The following MPDZ variants were observed in gnomAD, a reference collection of about 807,000 sequenced individuals.
The protein encoded by MPDZ is multiple PDZ domain crumbs cell polarity complex component.
A neutral mutation model predicts 239.1 loss-of-function variants in MPDZ; 234 were observed. That is an observed-to-expected ratio of 0.98 (90% CI 0.88 to 1.09). MPDZ has a LOEUF of 1.09. Ranked by LOEUF, MPDZ falls within the 50% of genes least tolerant of loss-of-function variation. MPDZ has a pLI of 0.00. For synonymous variants in MPDZ, 1,048 were observed against 881.3 expected, an observed-to-expected ratio of 1.19 and a Z score of -3.35; for missense variants, 3,175 against 2,510.0, an observed-to-expected ratio of 1.26 and a Z score of -5.66.
At chr9:13,264,023 A>T (rs1971269313) in intron 1 of MPDZ, among the ~76,000 whole-genome samples, 1 of 152,214 alleles carries the variant, frequency 6.6e-6, no homozygotes, top group South Asian at 2.1e-4. Flanking sequence ...AAGTTTGGTG[A>T]AAATAGTATA....
intron 30 of MPDZ, among the ~76,000 whole-genome samples, 167 bp from the exon 31 acceptor site, chr9:13,136,349 T>TTTTTTTTTA (rs1946782722): frequency 1.4e-5 from 2 of 140,998 alleles, no homozygotes; most frequent in East Asian, 2.2e-4. Context: ...TTTTTTTTTT[T>TTTTTTTTTA]GAGACAGAGT....
Position 13,150,684 on chromosome 9 carries a change from C to A in MPDZ, c.3457G>T (p.Glu1153Ter). 2 of 1,347,360 alleles carry A rather than the reference C, an allele frequency of 1.5e-6. No homozygotes were observed. Among genetic ancestry groups the A allele is most frequent in the Non-Finnish European group, 1.9e-6 (2 of 1,040,574 alleles). 83.5% of individuals were successfully genotyped at this position (1,347,360 alleles called of 1,614,324 possible). ...GATTTGCTTGGTTCTCTCCAGAGTT[C>A]CACCCTAAAAAATAAATAAAATTTT... Reference protein sequence around the residue: ...YSNWNQPRRVELWREPSKSLG... With the variant: ...YSNWNQPRRV The change falls in exon 25 of 47, where the codon GAA (glutamate) becomes TAA (stop). Residue 1153 changes from glutamate (E) to a stop codon, truncating the protein, a stop_gained. Transcript: ENST00000319217. LOFTEE classifies it high-confidence loss of function.
chr9:13,162,156 T>C (rs907604756), intron 23 of MPDZ, among the ~76,000 whole-genome samples: 4 of 151,564 alleles, frequency 2.6e-5, no homozygotes, highest in African/African-American at 4.8e-5. Flanking sequence ...CCCAGCTACC[T>C]GGGAGGCTGA....
At position 13,201,325 on chromosome 9, in the gene MPDZ, G is replaced by C. The variant is rs1222713317; in HGVS notation, c.1546+3711C>G. ...CAATATTGGGGCTTCTTTGAATGTG[G>C]TGTTTCTTTTCTCTTGATGCTTTCA... On this transcript the variant is annotated intron_variant, in intron 12 of 46. Coordinates refer to ENST00000319217, the MANE Select transcript of MPDZ (RefSeq NM_001378778.1). 1.3e-5 allele frequency among the ~76,000 whole-genome samples: 2 copies of C among 151,726 alleles called. 1 individual carries two copies. Among genetic ancestry groups the C allele is most frequent in the Admixed American group, 1.3e-4 (2 of 15,174 alleles).
intron 3 of MPDZ, among the ~76,000 whole-genome samples, chr9:13,230,541 T>A (rs961841927): frequency 3.9e-5 from 6 of 152,198 alleles, no homozygotes; most frequent in Non-Finnish European, 4.4e-5. Flanking sequence ...ACATTATGAT[T>A]TTATTTTTAT....
chr9:13,256,874 T>C (rs763099139), intron 1 of MPDZ, among the ~76,000 whole-genome samples: 4 of 152,166 alleles, frequency 2.6e-5, no homozygotes, highest in Non-Finnish European at 5.9e-5. Flanking sequence ...AGAGTTGCCA[T>C]AAACCATCAA....
intron 3 of MPDZ, among the ~76,000 whole-genome samples, chr9:13,243,326 C>A (rs1326104392): frequency 2.0e-5 from 3 of 151,824 alleles, no homozygotes. Flanking sequence ...TTCACTGAAT[C>A]CCACATTGAA....
chr9:13,114,673 G>A (rs750053073), intron 40 of MPDZ, among the ~76,000 whole-genome samples: 10 of 152,068 alleles, frequency 6.6e-5, no homozygotes, highest in South Asian at 4.2e-4. Flanking sequence ...AGGCTGAGGC[G>A]GGTGGATCAC....
At chr9:13,206,211 A>C in intron 10 of MPDZ, 112 bp from the exon 11 acceptor site, 16 of 971,016 alleles carry the variant, frequency 1.6e-5, no homozygotes, top group Non-Finnish European at 2.4e-5. Flanking sequence ...ATGGAGAATA[A>C]GTATTCACCT....
intron 25 of MPDZ, among the ~76,000 whole-genome samples, chr9:13,149,641 G>T (rs1468654106): frequency 6.6e-6 from 1 of 152,008 alleles, no homozygotes; most frequent in Non-Finnish European, 1.5e-5. Context: ...GTTTACTGTG[G>T]GATGCCCAGA....
Position 13,114,055 on chromosome 9 carries a change from T to C in MPDZ, c.5467-34A>G, listed in dbSNP as rs185727880. The C allele has an allele frequency of 5.0e-4, 756 of 1,500,062 alleles. 6 individuals carry two copies. The East Asian group carries it at 0.013, about 25-fold the overall frequency. 92.9% of individuals were successfully genotyped at this position (1,500,062 alleles called of 1,614,324 possible). A position where few individuals can be genotyped will look rare whatever the true frequency, so the allele number is the denominator to read the frequency against. On this transcript the variant is annotated intron_variant, in intron 40 of 46. Coordinates refer to ENST00000319217, the MANE Select transcript of MPDZ (RefSeq NM_001378778.1). The stretch of plus-strand genomic sequence containing the variant: ...ATACAACAATTATTTCAGAAGGTTT[T>C]GCAAGTAACATACTCCCTAAATACC...
intron 3 of MPDZ, among the ~76,000 whole-genome samples, chr9:13,247,288 G>C (rs964735534): frequency 3.3e-5 from 5 of 152,132 alleles, no homozygotes. Context: ...GAATCTGAAT[G>C]AGCAAGATCA....
chr9:13,170,180 C>T (rs999694604), intron 21 of MPDZ, among the ~76,000 whole-genome samples: 6 of 152,074 alleles, frequency 3.9e-5, no homozygotes, highest in Non-Finnish European at 5.9e-5. Context: ...ACAGATGTCA[C>T]AAATTCCTTT....
At position 13,260,241 on chromosome 9, in the gene MPDZ, G is replaced by T. The variant is rs182720518; in HGVS notation, c.-57-9869C>A. 2.0e-5 allele frequency among the ~76,000 whole-genome samples: 3 copies of T among 152,154 alleles called. No individual in the cohort carries two copies. The East Asian group carries it at 5.8e-4, about 29-fold the overall frequency. ...GGAGGACATACAAAAATCAAGAGAAGCTATGGATAAAGAAGCCAGGTAAGA... is the reference window on the plus strand; with the variant it reads ...GGAGGACATACAAAAATCAAGAGAATCTATGGATAAAGAAGCCAGGTAAGA... On this transcript the variant is annotated intron_variant, in intron 1 of 46. Coordinates refer to ENST00000319217, the MANE Select transcript of MPDZ (RefSeq NM_001378778.1).
chr9:13,197,014 T>TA (rs1163018721), intron 12 of MPDZ, among the ~76,000 whole-genome samples: 3 of 151,934 alleles, frequency 2.0e-5, no homozygotes, highest in South Asian at 2.1e-4. Context: ...TAAAAAATGT[T>TA]AAAAAATTCA....
At chr9:13,135,932 T>C (rs1946671899) in intron 31 of MPDZ, 160 bp downstream of exon 31, 1 of 532,472 alleles carries the variant, frequency 1.9e-6, no homozygotes, top group Non-Finnish European at 3.3e-6. Flanking sequence ...CTTATTTCCA[T>C]GAGTGTCTTC....
chr9:13,275,770 C>T (rs1974036320), intron 1 of MPDZ, among the ~76,000 whole-genome samples: 1 of 152,136 alleles, frequency 6.6e-6, no homozygotes, highest in Non-Finnish European at 1.5e-5. Flanking sequence ...ATTGCTCTTC[C>T]CTATCCAACC....
intron 24 of MPDZ, among the ~76,000 whole-genome samples, chr9:13,155,800 A>C (rs908679279): frequency 6.6e-6 from 1 of 152,190 alleles, no homozygotes; most frequent in Admixed American, 6.5e-5. Flanking sequence ...TACTCCATTA[A>C]GCTTTCTTCT....
intron 12 of MPDZ, among the ~76,000 whole-genome samples, chr9:13,197,852 T>C (rs750872444): frequency 2.0e-5 from 3 of 152,098 alleles, no homozygotes; most frequent in Non-Finnish European, 4.4e-5. Flanking sequence ...GCGGTATGTG[T>C]CTTTCTGTGC....
Sources: allele counts gnomAD v4.1 joint callset (sites outside exome capture counted in the v4.1 genomes callset), GRCh38; gene constraint gnomAD v4.1.1; transcripts MANE v1.5; gene names NCBI Gene and HGNC (gene_info 2026-07-23, HGNC 2026-07-21).